Variants in PDGFD observed in about 807,000 individuals in gnomAD.
The protein encoded by PDGFD is platelet-derived growth factor D.
Under a neutral mutation model 44.7 loss-of-function variants are expected in PDGFD, and 30 were observed. The ratio of observed to expected loss-of-function variants is 0.67; its 90% CI spans 0.50 to 0.91. PDGFD has a LOEUF of 0.91. PDGFD is among the 40% of genes least tolerant of loss of function. PDGFD has a pLI of 0.00. For synonymous variants in PDGFD, 173 were observed against 168.4 expected (o/e 1.03, Z -0.21); for missense variants, 445 against 457.8 (o/e 0.97, Z 0.25).
chr11:103,958,417 G>T lies in PDGFD; in HGVS notation c.511-10693C>A, dbSNP rs149744091. On this transcript the variant is annotated intron_variant, in intron 3 of 6. Transcript: ENST00000393158. ...AGAACATCTGATTCAATTCACCAGT[G>T]GTCTGAAATTTATTAAAGATTGTAC... 3.3e-5 allele frequency among the ~76,000 whole-genome samples: 5 copies of T among 152,158 alleles called. No individual in the cohort carries two copies. The East Asian group carries it at 9.7e-4, about 29-fold the overall frequency.
intron 1 of PDGFD, among the ~76,000 whole-genome samples, chr11:104,027,911 C>T (rs924593586): frequency 9.9e-5 from 15 of 152,074 alleles, no homozygotes; most frequent in African/African-American, 3.6e-4. Flanking sequence ...AAAGCATAGG[C>T]CGGGCGCGGT....
Position 103,999,905 on chromosome 11 carries a change from A to G in PDGFD, c.329+146T>C. ...AGCAGTCTACGCTATCTTGTCTGTT[A>G]GGGTCTTTAGGCTTTTTGAAAAAGA... On this transcript the variant is annotated intron_variant, in intron 2 of 6. Coordinates refer to ENST00000393158, the MANE Select transcript of PDGFD (RefSeq NM_025208.5). The G allele has an allele frequency of 6.4e-6, 3 of 470,296 alleles. No individual in the cohort carries two copies. The South Asian group carries it at 8.9e-5, about 14-fold the overall frequency. The allele number at this position is 470,296 out of a possible 1,614,324, so 29.1% of individuals were successfully genotyped here.
chr11:104,107,199 A>T (rs979760864), intron 1 of PDGFD, among the ~76,000 whole-genome samples: 1 of 152,184 alleles, frequency 6.6e-6, no homozygotes, highest in Non-Finnish European at 1.5e-5. Context: ...ATCCCCAAAG[A>T]GACCGAATCA....
chr11:104,143,339 A>C (rs1037525829), intron 1 of PDGFD, among the ~76,000 whole-genome samples: 2 of 152,178 alleles, frequency 1.3e-5, no homozygotes, highest in Non-Finnish European at 2.9e-5. Flanking sequence ...CAGCCTACTC[A>C]TTTCTGAATA....
intron 3 of PDGFD, among the ~76,000 whole-genome samples, chr11:103,958,758 C>T (rs933667558): frequency 2.0e-5 from 3 of 152,004 alleles, no homozygotes; most frequent in African/African-American, 7.3e-5. Flanking sequence ...ACTTGACTGA[C>T]GTTATATAAA....
At position 104,163,991 on chromosome 11, in the gene PDGFD, A is replaced by C; in HGVS notation, c.-64T>G. ...AAGCCGGGTTCTGCTCCCGGGACCG[A>C]CGCCGCGCCGCCCTGCGCTCTCGCC... is the stretch of plus-strand genomic sequence containing the variant. On this transcript the variant is annotated 5_prime_UTR_variant, in exon 1 of 7. Transcript: ENST00000393158. 1 of 1,461,884 alleles carries C rather than the reference A, an allele frequency of 6.8e-7. No individual in the cohort carries two copies. The highest frequency in any genetic ancestry group is 9.2e-7 in the Non-Finnish European group (1 of 1,091,708). 90.6% of individuals were successfully genotyped at this position (1,461,884 alleles called of 1,614,324 possible).
At chr11:103,964,008 G>A (rs11828867) in intron 3 of PDGFD, among the ~76,000 whole-genome samples, 67 of 152,034 alleles carry the variant, frequency 4.4e-4, no homozygotes, top group African/African-American at 1.6e-3. Flanking sequence ...GTACTGTGTC[G>A]CCCATCTCTA....
chr11:104,137,895 T>C (rs1221471995), intron 1 of PDGFD, among the ~76,000 whole-genome samples: 1 of 152,020 alleles, frequency 6.6e-6, no homozygotes, highest in African/African-American at 2.4e-5. Context: ...CCTGGTACCC[T>C]CCCAGACACA....
intron 3 of PDGFD, among the ~76,000 whole-genome samples, chr11:103,951,775 T>A (rs1050885387): frequency 2.0e-5 from 3 of 152,348 alleles, no homozygotes; most frequent in Middle Eastern, 6.8e-3. Context: ...GCATTCTATT[T>A]AAAATACTCC....
chr11:104,076,438 C>T (rs796610324), intron 1 of PDGFD, among the ~76,000 whole-genome samples: 48 of 152,232 alleles, frequency 3.2e-4, no homozygotes, highest in African/African-American at 1.1e-3. Context: ...AGTGTTTCTA[C>T]ACTTGTTGCA....
At chr11:103,965,896 C>A (rs899662010) in intron 3 of PDGFD, among the ~76,000 whole-genome samples, 2 of 152,114 alleles carry the variant, frequency 1.3e-5, no homozygotes, top group African/African-American at 4.8e-5. Flanking sequence ...AGCAGATGAG[C>A]GAGGAAGCAG....
chr11:104,097,190 C>T (rs558674541), intron 1 of PDGFD, among the ~76,000 whole-genome samples: 39 of 152,242 alleles, frequency 2.6e-4, no homozygotes, highest in Non-Finnish European at 3.8e-4. Flanking sequence ...AACTCACATG[C>T]TTTCAAAATC....
intron 5 of PDGFD, 138 bp from the exon 6 acceptor site, chr11:103,927,264 A>T: frequency 2.8e-6 from 2 of 712,830 alleles, no homozygotes; most frequent in South Asian, 3.7e-5. Flanking sequence ...CAGGCTCTCA[A>T]TTACTGGGAA....
chr11:104,038,972 T>C (rs1233771511), intron 1 of PDGFD: 1 of 167,090 alleles, frequency 6.0e-6, no homozygotes, highest in Admixed American at 6.5e-5. Context: ...TGAAAACTTT[T>C]GAATGAGAAG....
intron 1 of PDGFD, among the ~76,000 whole-genome samples, chr11:104,092,449 A>G (rs1013556121): frequency 5.3e-5 from 8 of 152,078 alleles, no homozygotes; most frequent in African/African-American, 1.7e-4. Context: ...CGCTATCTCA[A>G]ATCTCTACAT....
intron 1 of PDGFD, among the ~76,000 whole-genome samples, chr11:104,076,081 A>G (rs1860954720): frequency 6.6e-6 from 1 of 151,928 alleles, no homozygotes; most frequent in Non-Finnish European, 1.5e-5. Flanking sequence ...GTGAATTCTC[A>G]AGAGATCTGA....
At chr11:104,106,819 T>C (rs372499616) in intron 1 of PDGFD, among the ~76,000 whole-genome samples, 20 of 151,834 alleles carry the variant, frequency 1.3e-4, no homozygotes, top group African/African-American at 3.9e-4. Context: ...TCTCGGCTCA[T>C]TGCAACCTCT....
At position 103,909,550 on chromosome 11, in the gene PDGFD, C is replaced by T. The variant is rs1857995126; in HGVS notation, c.*144G>A. ...TCTACTTGCCATGGCATTAACAAAG[C>T]AAGGCTGAGACTCAGCAACCACTTG... is the stretch of plus-strand genomic sequence containing the variant. On this transcript the variant is annotated 3_prime_UTR_variant, in exon 7 of 7. Coordinates refer to ENST00000393158, the MANE Select transcript of PDGFD (RefSeq NM_025208.5). The T allele has an allele frequency of 9.8e-7, 1 of 1,017,572 alleles. No homozygotes were observed. The allele number at this position is 1,017,572 out of a possible 1,614,324, so 63.0% of individuals were successfully genotyped here.
intron 1 of PDGFD, among the ~76,000 whole-genome samples, chr11:104,120,294 C>A (rs1321005712): frequency 6.6e-6 from 1 of 151,684 alleles, no homozygotes; most frequent in Non-Finnish European, 1.5e-5. Context: ...TCCTTTCAGT[C>A]TAATTTTTGT....
Sources: allele counts gnomAD v4.1 joint callset (sites outside exome capture counted in the v4.1 genomes callset), GRCh38; gene constraint gnomAD v4.1.1; transcripts MANE v1.5; gene names NCBI Gene and HGNC (gene_info 2026-07-23, HGNC 2026-07-21).